Variants in SMYD3 observed in about 807,000 individuals in gnomAD.
The protein encoded by SMYD3 is histone-lysine N-methyltransferase SMYD3.
In SMYD3, 36 loss-of-function variants were observed where a neutral mutation model predicts 57.7. That is an observed-to-expected ratio of 0.62 (90% CI 0.48 to 0.82). The LOEUF is 0.82. SMYD3 is among the 40% of genes least tolerant of loss of function. The pLI is 0.00. For missense variants in SMYD3, 515 were observed against 538.8 expected (o/e 0.96, Z 0.44); for synonymous variants, 211 against 195.0 (o/e 1.08, Z -0.68).
chr1:245,763,670 T>C lies in SMYD3; in HGVS notation c.1185+371A>G, dbSNP rs929610022. 2.6e-5 allele frequency among the ~76,000 whole-genome samples: 4 copies of C among 152,110 alleles called. No individual in the cohort carries two copies. In the East Asian group the frequency reaches 7.7e-4, roughly 29 times the overall value. ...GGCTTGCCACGCGAGGGACACGGAC[T>C]GTGTTCCGTGGGCAATGGGGAGGAG... On this transcript the variant is annotated intron_variant, in intron 11 of 11. Coordinates refer to ENST00000490107, the MANE Select transcript of SMYD3 (RefSeq NM_001167740.2).
At chr1:246,101,646 G>A (rs541677289) in intron 5 of SMYD3, among the ~76,000 whole-genome samples, 1 of 152,102 alleles carries the variant, frequency 6.6e-6, no homozygotes, top group African/African-American at 2.4e-5. Context: ...TGTAAATTAT[G>A]TTCATATGCG....
chr1:246,201,380 T>A (rs1039742440), intron 5 of SMYD3, among the ~76,000 whole-genome samples: 5 of 152,214 alleles, frequency 3.3e-5, no homozygotes, highest in African/African-American at 1.2e-4. Flanking sequence ...AGAAAATGGG[T>A]GTTCATCTCT....
At chr1:246,227,470 C>A (rs2334000) in intron 5 of SMYD3, among the ~76,000 whole-genome samples, 31,509 of 151,934 alleles carry the variant, frequency 0.21, 3,972 homozygotes, top group East Asian at 0.58. Context: ...AAAAAATTAA[C>A]CGGGTGTGGT....
At chr1:246,044,055 C>G (rs770813238) in intron 5 of SMYD3, among the ~76,000 whole-genome samples, 11 of 152,180 alleles carry the variant, frequency 7.2e-5, no homozygotes, top group Non-Finnish European at 1.6e-4. Flanking sequence ...CTTTCACAGC[C>G]TCTTTAGTCT....
intron 5 of SMYD3, among the ~76,000 whole-genome samples, chr1:246,171,337 T>G (rs1391182667): frequency 1.3e-5 from 2 of 152,244 alleles, no homozygotes; most frequent in Non-Finnish European, 2.9e-5. Context: ...TTTCTCTGAT[T>G]CACCTTTGCA....
intron 9 of SMYD3, among the ~76,000 whole-genome samples, chr1:245,863,562 T>G (rs9725967): frequency 0.56 from 84,439 of 151,974 alleles, 26,637 homozygotes; most frequent in Non-Finnish European, 0.73. Context: ...GGCCATGAGT[T>G]TTGATTATTA....
At chr1:246,463,853 AAAG>A (rs1281284307) in intron 1 of SMYD3, among the ~76,000 whole-genome samples, 41 of 150,456 alleles carry the variant, frequency 2.7e-4, no homozygotes, top group African/African-American at 9.0e-4. Flanking sequence ...AAAAAAAAAA[AAAG>A]AGTGTGGAAT....
At chr1:246,287,685 C>G (rs774225375) in intron 5 of SMYD3, among the ~76,000 whole-genome samples, 2 of 152,114 alleles carry the variant, frequency 1.3e-5, no homozygotes, top group African/African-American at 2.4e-5. Flanking sequence ...CTGACCCTGT[C>G]TCTGTTTTGG....
At chr1:245,897,662 G>A (rs940897319) in intron 8 of SMYD3, among the ~76,000 whole-genome samples, 45 of 152,190 alleles carry the variant, frequency 3.0e-4, no homozygotes, top group African/African-American at 1.1e-3. Flanking sequence ...TGGGAGGCCA[G>A]GGCGGGTGGA....
intron 1 of SMYD3, among the ~76,000 whole-genome samples, chr1:246,390,097 T>C (rs182529170): frequency 6.6e-6 from 1 of 151,430 alleles, no homozygotes; most frequent in East Asian, 1.9e-4. Context: ...CCTAACGCTA[T>C]AGTCCAAGTT....
intron 5 of SMYD3, among the ~76,000 whole-genome samples, chr1:246,271,515 T>A (rs1358032847): frequency 6.6e-6 from 1 of 152,216 alleles, no homozygotes; most frequent in Non-Finnish European, 1.5e-5. Context: ...CTTTTGCATA[T>A]GGATACCCAG....
intron 1 of SMYD3, among the ~76,000 whole-genome samples, chr1:246,485,797 T>C (rs931433241): frequency 3.7e-4 from 56 of 152,150 alleles, no homozygotes; most frequent in African/African-American, 1.3e-3. Context: ...CTCAAAATAA[T>C]AATAAAAATA....
chr1:246,463,833 CAAAAAAAA>C (rs35826530), intron 1 of SMYD3, among the ~76,000 whole-genome samples: 7 of 70,472 alleles, frequency 9.9e-5, no homozygotes, highest in African/African-American at 2.5e-4. Flanking sequence ...GACCCCGTCT[CAAAAAAAA>C]AAAAAAAAAA....
chr1:245,826,242 G>A (rs1189707793), intron 10 of SMYD3, among the ~76,000 whole-genome samples: 3 of 151,666 alleles, frequency 2.0e-5, no homozygotes, highest in Admixed American at 6.6e-5. Context: ...ACCTTTTTAC[G>A]TTGAATTTGC....
chr1:246,290,702 A>G (rs752594483), intron 5 of SMYD3, among the ~76,000 whole-genome samples: 22 of 152,184 alleles, frequency 1.4e-4, no homozygotes, highest in Non-Finnish European at 2.4e-4. Context: ...CAATGAACTG[A>G]AAAACCCTAT....
At chr1:246,129,162 G>T (rs1397127989) in intron 5 of SMYD3, among the ~76,000 whole-genome samples, 1 of 152,032 alleles carries the variant, frequency 6.6e-6, no homozygotes, top group Non-Finnish European at 1.5e-5. Flanking sequence ...GGTGCAGGCA[G>T]GGGACAGATG....
At position 246,468,160 on chromosome 1, in the gene SMYD3, T is replaced by TAAA. The variant is rs58291905; in HGVS notation, c.164+38891_164+38893dup. Among the ~76,000 whole-genome samples, 225 of 130,452 alleles carry TAAA rather than the reference T, an allele frequency of 1.7e-3. 3 individuals are homozygous for TAAA. Among genetic ancestry groups the TAAA allele is most frequent in the South Asian group, 7.0e-3 (27 of 3,872 alleles). The allele number at this position is 130,452 out of a possible 152,430, so 85.6% of individuals were successfully genotyped here. A position where few individuals can be genotyped will look rare whatever the true frequency, so the allele number is the denominator to read the frequency against. ...TGGGCAACAGAACAAGACTCTGTCT[T>TAAA]AAAAAAAAAAAAAAAAGATAATTCA... is the stretch of plus-strand genomic sequence containing the variant. On this transcript the variant is annotated intron_variant, in intron 1 of 11. Transcript: ENST00000490107.
chr1:246,149,040 C>A (rs1252468556), intron 5 of SMYD3, among the ~76,000 whole-genome samples: 1 of 152,174 alleles, frequency 6.6e-6, no homozygotes, highest in East Asian at 1.9e-4. Context: ...GGAGTAGACG[C>A]CTCATTTGAG....
At chr1:246,281,969 A>AG (rs1258969879) in intron 5 of SMYD3, among the ~76,000 whole-genome samples, 3 of 152,196 alleles carry the variant, frequency 2.0e-5, no homozygotes, top group Non-Finnish European at 4.4e-5. Flanking sequence ...AGAGGAAAAA[A>AG]GAGAGAGGAG....
Sources: gnomAD v4.1 joint callset for allele counts (sites outside exome capture counted in the v4.1 genomes callset) on GRCh38, gnomAD v4.1.1 for gene constraint, MANE v1.5 for transcripts, NCBI Gene and HGNC (gene_info 2026-07-23, HGNC 2026-07-21) for gene names.